AFG2A: variants seen among roughly 807,000 people sequenced by gnomAD.
AFG2A encodes AAA ATPase AFG2A, also known as ATPase family gene 2 protein homolog A.
At chr4:123,170,511 T>C in the AFG2A span, among the ~76,000 whole-genome samples, 1 of 152,186 alleles carries the variant, frequency 6.6e-6, no homozygotes, top group Non-Finnish European at 1.5e-5. Context: ...TCAGATTCTG[T>C]CTGTAACTGA....
At chr4:123,004,363 C>T in the AFG2A span, among the ~76,000 whole-genome samples, 1 of 152,230 alleles carries the variant, frequency 6.6e-6, no homozygotes, top group African/African-American at 2.4e-5. Flanking sequence ...GAACCCGGTA[C>T]CTCAGATGTA....
chr4:123,105,555 G>T, the AFG2A span, among the ~76,000 whole-genome samples: 3 of 152,160 alleles, frequency 2.0e-5, no homozygotes, highest in African/African-American at 2.4e-5. Context: ...CTCCTTGAAA[G>T]GAGTCACCAT....
At chr4:123,064,776 C>A in the AFG2A span, among the ~76,000 whole-genome samples, 11 of 152,166 alleles carry the variant, frequency 7.2e-5, no homozygotes, top group African/African-American at 2.7e-4. Flanking sequence ...TAGTGCCAAA[C>A]TTCAAGTAGG....
chr4:123,263,628 A>T, the AFG2A span, among the ~76,000 whole-genome samples: 1 of 152,324 alleles, frequency 6.6e-6, no homozygotes, highest in African/African-American at 2.4e-5. Flanking sequence ...ATCACTAATG[A>T]TCAGGAAAAT....
the AFG2A span, among the ~76,000 whole-genome samples, chr4:123,265,472 T>C: frequency 6.6e-6 from 1 of 152,274 alleles, no homozygotes; most frequent in South Asian, 2.1e-4. Flanking sequence ...TCTGCTTAAA[T>C]TGGCAACAAA....
chr4:122,938,758 T>C, the AFG2A span, among the ~76,000 whole-genome samples: 29 of 151,328 alleles, frequency 1.9e-4, no homozygotes, highest in African/African-American at 6.5e-4. Context: ...ACCTGGCTAA[T>C]TTTTTTTTAA....
chr4:123,079,404 C>T, the AFG2A span, among the ~76,000 whole-genome samples: 1 of 152,082 alleles, frequency 6.6e-6, no homozygotes, highest in Non-Finnish European at 1.5e-5. Context: ...TAGGATCTGA[C>T]ATTATTTGGA....
chr4:122,933,544 G>A, the AFG2A span: 5 of 1,509,362 alleles, frequency 3.3e-6, no homozygotes, highest in South Asian at 3.4e-5. Flanking sequence ...AAGCTGCAAG[G>A]CATCAGCAAA....
chr4:123,174,638 A>C, the AFG2A span, among the ~76,000 whole-genome samples: 1,933 of 152,224 alleles, frequency 0.013, 17 homozygotes, highest in African/African-American at 0.019. Flanking sequence ...CATGGTGGGG[A>C]AAAGGAATGT....
chr4:123,285,811 G>A, the AFG2A span, among the ~76,000 whole-genome samples: 1 of 152,030 alleles, frequency 6.6e-6, no homozygotes, highest in South Asian at 2.1e-4. Flanking sequence ...TTTCAAATCA[G>A]TTTCTTCATT....
the AFG2A span, among the ~76,000 whole-genome samples, chr4:123,233,719 A>ATGTG: frequency 0.023 from 3,399 of 149,124 alleles, 124 homozygotes; most frequent in African/African-American, 0.076. Flanking sequence ...ACATGGGTGT[A>ATGTG]TGTGTGTGTG....
At chr4:123,139,720 C>T in the AFG2A span, among the ~76,000 whole-genome samples, 6 of 152,132 alleles carry the variant, frequency 3.9e-5, no homozygotes, top group African/African-American at 1.4e-4. Flanking sequence ...ACTTATGTTG[C>T]ATTACATGCT....
chr4:123,099,213 T>C, the AFG2A span, among the ~76,000 whole-genome samples: 1 of 151,932 alleles, frequency 6.6e-6, no homozygotes, highest in Non-Finnish European at 1.5e-5. Flanking sequence ...GGTCATTTGT[T>C]GCTGTTGAGT....
At chr4:122,950,453 C>T in the AFG2A span, among the ~76,000 whole-genome samples, 1 of 152,086 alleles carries the variant, frequency 6.6e-6, no homozygotes, top group East Asian at 1.9e-4. Context: ...AATTCTCCTG[C>T]CTCAGCCTCC....
the AFG2A span, among the ~76,000 whole-genome samples, chr4:123,135,979 C>A: frequency 1.3e-5 from 2 of 151,266 alleles, no homozygotes; most frequent in Admixed American, 1.3e-4. Context: ...ATTAAGAAAA[C>A]AATCTCATTT....
chr4:123,031,059 A>G, the AFG2A span, among the ~76,000 whole-genome samples: 1 of 152,178 alleles, frequency 6.6e-6, no homozygotes, highest in Non-Finnish European at 1.5e-5. Context: ...TTTTATTTTC[A>G]TCTATTCAGT....
the AFG2A span, among the ~76,000 whole-genome samples, chr4:123,084,267 A>C: frequency 6.6e-6 from 1 of 151,610 alleles, no homozygotes; most frequent in South Asian, 2.1e-4. Context: ...TTTTAGTTTC[A>C]TTGTTTTTTT....
the AFG2A span, among the ~76,000 whole-genome samples, chr4:122,956,834 A>G: frequency 1.1e-4 from 17 of 152,220 alleles, no homozygotes; most frequent in Non-Finnish European, 2.5e-4. Context: ...ATTATGTAGT[A>G]TCATTTTCTT....
At chr4:123,160,473 T>C in the AFG2A span, among the ~76,000 whole-genome samples, 8 of 152,316 alleles carry the variant, frequency 5.3e-5, no homozygotes, top group African/African-American at 1.9e-4. Context: ...CAGGCTTCCT[T>C]TGGTGGTATT....
Sources: allele counts gnomAD v4.1 joint callset (sites outside exome capture counted in the v4.1 genomes callset), GRCh38; gene constraint gnomAD v4.1.1; transcripts MANE v1.5; gene names NCBI Gene and HGNC (gene_info 2026-07-23, HGNC 2026-07-21).